Variants in CSNK1G1 observed in about 807,000 individuals in gnomAD.
The protein encoded by CSNK1G1 is casein kinase 1 gamma 1.
Under a neutral mutation model 59.6 loss-of-function variants are expected in CSNK1G1, and 22 were observed. The ratio of observed to expected loss-of-function variants is 0.37; its 90% CI spans 0.26 to 0.53. CSNK1G1 has a LOEUF of 0.53. Among genes scored for constraint, CSNK1G1 ranks in the 20% least tolerant of loss-of-function variants. CSNK1G1 has a pLI of 0.89. For synonymous variants in CSNK1G1, 179 were observed against 177.1 expected, an observed-to-expected ratio of 1.01 and a Z score of -0.08; for missense variants, 384 against 519.5, an observed-to-expected ratio of 0.74 and a Z score of 2.54.
intron 1 of CSNK1G1, among the ~76,000 whole-genome samples, chr15:64,348,857 C>T (rs192471357): frequency 3.3e-5 from 5 of 152,018 alleles, no homozygotes; most frequent in African/African-American, 9.7e-5. Context: ...ATTGGCAAGG[C>T]GCGGTGGCTC....
At chr15:64,259,268 T>G in intron 2 of CSNK1G1, 27 bp from the exon 3 acceptor site, 2 of 1,542,340 alleles carry the variant, frequency 1.3e-6, no homozygotes, top group Non-Finnish European at 1.8e-6. Context: ...ATGTATATGT[T>G]TTAGTGACAT....
chr15:64,326,630 C>T (rs533574765), intron 1 of CSNK1G1, among the ~76,000 whole-genome samples: 11 of 150,434 alleles, frequency 7.3e-5, no homozygotes, highest in Admixed American at 2.6e-4. Context: ...GGTGACAGAG[C>T]GAAACTCTGT....
chr15:64,230,076 C>T (rs1185674445), intron 4 of CSNK1G1, among the ~76,000 whole-genome samples: 3 of 151,184 alleles, frequency 2.0e-5, no homozygotes, highest in Non-Finnish European at 3.0e-5. Context: ...CATGCGCCAC[C>T]GTGCCCGGCT....
At chr15:64,322,216 T>G (rs1309405090) in intron 1 of CSNK1G1, among the ~76,000 whole-genome samples, 2 of 152,180 alleles carry the variant, frequency 1.3e-5, no homozygotes, top group Non-Finnish European at 2.9e-5. Context: ...CTTTCCTAGT[T>G]TTGTGCATGA....
chr15:64,352,231 G>A (rs889674108), intron 1 of CSNK1G1, among the ~76,000 whole-genome samples: 6 of 151,674 alleles, frequency 4.0e-5, no homozygotes, highest in South Asian at 2.1e-4. Context: ...GCTTGAACCC[G>A]GGAGGCGGAG....
At chr15:64,275,232 G>C (rs1893542543) in intron 2 of CSNK1G1, among the ~76,000 whole-genome samples, 1 of 152,090 alleles carries the variant, frequency 6.6e-6, no homozygotes, top group Non-Finnish European at 1.5e-5. Context: ...GTAGAGATGG[G>C]TTTCACCTTG....
Position 64,300,473 on chromosome 15 carries a change from A to C in CSNK1G1, c.27T>G (p.Asp9Glu), listed in dbSNP as rs780876434. The C allele has an allele frequency of 1.1e-5, 18 of 1,614,186 alleles. No individual in the cohort carries two copies. The highest frequency in any genetic ancestry group is 1.7e-5 in the Admixed American group (1 of 60,018). Residue 9 changes from aspartate to glutamate, a missense_variant, in exon 2 of 12, where the codon GAT (aspartate) becomes GAG (glutamate). This residue lies in a region of CSNK1G1 where 56 missense variants were observed against 60.8 expected (regional missense o/e 0.92). Coordinates refer to ENST00000303052, the MANE Select transcript of CSNK1G1 (RefSeq NM_022048.5). MDHPSREK[D>E]ERQRTTKPMA... ...TGGGTTTAGTTGTCCGTTGTCTTTCATCCTTTTCCCTACTAGGATGGTCCA... is the reference window on the plus strand; with the variant it reads ...TGGGTTTAGTTGTCCGTTGTCTTTCCTCCTTTTCCCTACTAGGATGGTCCA...
chr15:64,166,424 A>G lies in CSNK1G1; in HGVS notation c.*5507T>C, dbSNP rs2081604031. The G allele has an allele frequency of 1.3e-5, 2 of 157,880 alleles. No individual in the cohort carries two copies. Among genetic ancestry groups the G allele is most frequent in the African/African-American group, 4.8e-5 (2 of 41,576 alleles). The allele number at this position is 157,880 out of a possible 1,614,324, so 9.8% of individuals were successfully genotyped here. A position where few individuals can be genotyped will look rare whatever the true frequency, so the allele number is the denominator to read the frequency against. On this transcript the variant is annotated 3_prime_UTR_variant, in exon 12 of 12. Coordinates refer to ENST00000303052, the MANE Select transcript of CSNK1G1 (RefSeq NM_022048.5). This position sits in a 1 kb window ranked among gnomAD's most constrained non-coding sequence, Gnocchi z 4.5. ...CTAAAGCCAGCTTGCTGAGACACTA[A>G]TTTCAGAAGCTCACTTGTCACTTGT...
At chr15:64,209,421 G>A (rs2082223617) in intron 6 of CSNK1G1, among the ~76,000 whole-genome samples, 1 of 152,122 alleles carries the variant, frequency 6.6e-6, no homozygotes, top group African/African-American at 2.4e-5. Context: ...AAGAATAGTA[G>A]TCTACAGGGT....
chr15:64,179,227 C>A (rs1045926105), intron 11 of CSNK1G1, among the ~76,000 whole-genome samples: 1 of 151,998 alleles, frequency 6.6e-6, no homozygotes, highest in African/African-American at 2.4e-5. Flanking sequence ...GCTTTGGCAA[C>A]AGAGAGAGAC....
intron 1 of CSNK1G1, among the ~76,000 whole-genome samples, chr15:64,321,250 T>C (rs1245982787): frequency 6.6e-6 from 1 of 151,392 alleles, no homozygotes; most frequent in Non-Finnish European, 1.5e-5. Flanking sequence ...ATTTTTTTTC[T>C]TTTTTTCCTT....
chr15:64,287,116 T>C (rs1379063365), intron 2 of CSNK1G1, among the ~76,000 whole-genome samples: 1 of 152,186 alleles, frequency 6.6e-6, no homozygotes, highest in Admixed American at 6.5e-5. Context: ...TAAGACTACA[T>C]GGCATATAAT....
At chr15:64,212,782 G>C (rs1035620115) in intron 6 of CSNK1G1, among the ~76,000 whole-genome samples, 1 of 152,124 alleles carries the variant, frequency 6.6e-6, no homozygotes, top group Admixed American at 6.5e-5. Context: ...GAGGCAGGCA[G>C]ATCACTTAAG....
chr15:64,353,059 A>G (rs1898405074), intron 1 of CSNK1G1, among the ~76,000 whole-genome samples: 1 of 152,140 alleles, frequency 6.6e-6, no homozygotes, highest in African/African-American at 2.4e-5. Flanking sequence ...GCTGCACTCC[A>G]GCCTAGGTGA....
Position 64,172,797 on chromosome 15 carries a change from A to C in CSNK1G1, c.1215-812T>G, listed in dbSNP as rs139411814. Among the ~76,000 whole-genome samples the C allele has an allele frequency of 3.0e-3, 453 of 152,304 alleles. 1 individual carries two copies. The highest frequency in any genetic ancestry group is 0.011 in the African/African-American group (437 of 41,560). On this transcript the variant is annotated intron_variant, in intron 11 of 11. Transcript: ENST00000303052. Reference sequence around the variant, plus strand: ...TGGAGGTGGGATTGGCTCCTTTATGAGTCCTCCAAGTTCTGCTTCCTGGGG... The same window carrying C: ...TGGAGGTGGGATTGGCTCCTTTATGCGTCCTCCAAGTTCTGCTTCCTGGGG...
chr15:64,278,426 A>T (rs1263806124), intron 2 of CSNK1G1, among the ~76,000 whole-genome samples: 48 of 111,812 alleles, frequency 4.3e-4, no homozygotes, highest in African/African-American at 9.5e-4. Context: ...GTGTATATAT[A>T]TATATATTTT....
rs143050389 is a variant in CSNK1G1 at position 64,320,865 on chromosome 15, C to T, written c.-224-20142G>A. Among the ~76,000 whole-genome samples, 186 of 152,140 alleles carry T rather than the reference C, an allele frequency of 1.2e-3. 2 individuals are homozygous for T. The East Asian group carries it at 0.028, about 23-fold the overall frequency. On this transcript the variant is annotated intron_variant, in intron 1 of 11. Coordinates refer to ENST00000303052, the MANE Select transcript of CSNK1G1 (RefSeq NM_022048.5). ...ACACCACCAGTTTGTAACCTCTGGT[C>T]TCAAGTTCTTAAAGTGAAATATGGC...
chr15:64,284,412 T>C (rs1393197865), intron 2 of CSNK1G1, among the ~76,000 whole-genome samples: 1 of 152,142 alleles, frequency 6.6e-6, no homozygotes, highest in Non-Finnish European at 1.5e-5. Context: ...TGGGGAGTGC[T>C]GCCATCTTAA....
intron 2 of CSNK1G1, among the ~76,000 whole-genome samples, chr15:64,272,377 G>A (rs1263332012): frequency 6.6e-6 from 1 of 152,050 alleles, no homozygotes; most frequent in Non-Finnish European, 1.5e-5. Flanking sequence ...CACTATGCCT[G>A]GCTAATTTTT....
Sources: gnomAD v4.1 joint callset for allele counts (sites outside exome capture counted in the v4.1 genomes callset) on GRCh38, gnomAD v4.1.1 for gene constraint, gnomAD v4.1.1 regional missense constraint, Gnocchi (gnomAD v3.1) non-coding constraint, MANE v1.5 for transcripts, NCBI Gene and HGNC (gene_info 2026-07-23, HGNC 2026-07-21) for gene names.